COTL1: variants seen among roughly 807,000 people sequenced by gnomAD.
COTL1 encodes coactosin-like protein.
Under a neutral mutation model 16.5 loss-of-function variants are expected in COTL1, and 15 were observed. The observed-to-expected ratio is 0.91, with a 90% CI of 0.61 to 1.40. The LOEUF is 1.40. COTL1 is among the 40% of genes most tolerant of loss of function. The pLI is 0.00. For missense variants in COTL1, 220 were observed against 201.5 expected (o/e 1.09, Z -0.56); for synonymous variants, 112 against 85.3 (o/e 1.31, Z -1.73).
intron 3 of COTL1, among the ~76,000 whole-genome samples, chr16:84,587,438 A>G (rs1283551756): frequency 1.3e-5 from 2 of 152,342 alleles, no homozygotes; most frequent in East Asian, 3.9e-4. Flanking sequence ...AGCTGCATGT[A>G]TTAAAATGTT....
Position 84,617,758 on chromosome 16 carries a change from C to T in COTL1, c.77+80G>A, listed in dbSNP as rs982739701. 1.7e-5 allele frequency: 24 copies of T among 1,453,828 alleles called. No homozygotes were observed. In the African/African-American group the frequency reaches 2.8e-4, roughly 17 times the overall value. 90.1% of individuals were successfully genotyped at this position (1,453,828 alleles called of 1,614,324 possible). On this transcript the variant is annotated intron_variant, in intron 1 of 3. Coordinates refer to ENST00000262428, the MANE Select transcript of COTL1 (RefSeq NM_021149.5). ...ACAGCGCGGGAGGCCCGAATCCGTC[C>T]CGCCTGGAGGCCGGCTCGGTGCACG...
chr16:84,576,672 G>C (rs1053361558), intron 3 of COTL1: 10 of 152,314 alleles, frequency 6.6e-5, no homozygotes, highest in African/African-American at 2.4e-4. Context: ...TTCCCCACCA[G>C]TCATCCAGGG....
intron 3 of COTL1, 138 bp from the exon 4 acceptor site, chr16:84,567,093 C>CAGTCAATGGAAATTCAGCAGCAG (rs1188813569): frequency 3.8e-5 from 23 of 608,276 alleles, no homozygotes; most frequent in Non-Finnish European, 5.3e-5. Context: ...GCAGCAGAGT[C>CAGTCAATGGAAATTCAGCAGCAG]AGTCAATGGA....
Position 84,578,780 on chromosome 16 carries a change from TACAC to T in COTL1, c.318+11321_318+11324del, listed in dbSNP as rs200622387. On this transcript the variant is annotated intron_variant, in intron 3 of 3. Transcript: ENST00000262428. ...ATGCACATACAGGCATGTGCAGACA[TACAC>T]ACACAGACACACAGGGATATGTCCA... Among the ~76,000 whole-genome samples, 477 of 147,920 alleles carry T rather than the reference TACAC, an allele frequency of 3.2e-3. 13 individuals carry two copies. Among genetic ancestry groups the T allele is most frequent in the East Asian group, 0.03 (148 of 4,972 alleles).
At position 84,565,998 on chromosome 16, in the gene COTL1, C is replaced by T. The variant is rs1904296696; in HGVS notation, c.*847G>A. 1 of 152,596 alleles carries T rather than the reference C, an allele frequency of 6.6e-6. No homozygotes were observed. Among genetic ancestry groups the T allele is most frequent in the African/African-American group, 2.4e-5 (1 of 41,468 alleles). The allele number at this position is 152,596 out of a possible 1,614,324, so 9.5% of individuals were successfully genotyped here. On this transcript the variant is annotated 3_prime_UTR_variant, in exon 4 of 4. Transcript: ENST00000262428. ...TTCCCAGTCCCCACCCTGGGCCTCT[C>T]TCCCTAACGATCTTGTCGCTTTGGG...
intron 2 of COTL1, among the ~76,000 whole-genome samples, chr16:84,612,509 G>A (rs573067278): frequency 3.9e-5 from 6 of 152,304 alleles, no homozygotes; most frequent in South Asian, 4.1e-4. Flanking sequence ...GAGGCCGGGC[G>A]CGGTGGCTCA....
chr16:84,602,663 T>C (rs1415901925), intron 2 of COTL1, among the ~76,000 whole-genome samples: 1 of 152,140 alleles, frequency 6.6e-6, no homozygotes, highest in East Asian at 1.9e-4. Context: ...GAGACCAGCC[T>C]GGCCAACCCG....
At chr16:84,583,693 C>T (rs150437165) in intron 3 of COTL1, among the ~76,000 whole-genome samples, 1,621 of 152,274 alleles carry the variant, frequency 0.011, 32 homozygotes, top group African/African-American at 0.037. Context: ...CTCCTGGGCT[C>T]AAGCAATCCT....
intron 3 of COTL1, among the ~76,000 whole-genome samples, chr16:84,581,012 G>A (rs985366652): frequency 6.6e-6 from 1 of 152,092 alleles, no homozygotes; most frequent in Admixed American, 6.6e-5. Flanking sequence ...CATGGTGGCA[G>A]GTGCCTGTGG....
rs1308737393 is a variant in COTL1, at chr16:84,566,858, G to T, written c.416C>A (p.Ala139Asp). 2 of 1,612,538 alleles carry T rather than the reference G, an allele frequency of 1.2e-6. No individual in the cohort carries two copies. The highest frequency in any genetic ancestry group is 3.3e-5 in the Admixed American group (2 of 59,976). Residue 139 changes from alanine (A) to aspartate (D), a missense_variant, in exon 4 of 4, where the codon GCC becomes GAC. Coordinates refer to ENST00000262428, the MANE Select transcript of COTL1 (RefSeq NM_021149.5). ...LKKAGGANYD[A>D]QTE is the part of the protein sequence containing the mutation. ...CGGGGGCTGGGGTTACTCCGTCTGGGCGTCGTAATTGGCTCCCCCCGCCTT... is the reference window on the plus strand; with the variant it reads ...CGGGGGCTGGGGTTACTCCGTCTGGTCGTCGTAATTGGCTCCCCCCGCCTT...
chr16:84,580,757 A>C (rs1447713399), intron 3 of COTL1, among the ~76,000 whole-genome samples: 1 of 152,196 alleles, frequency 6.6e-6, no homozygotes, highest in East Asian at 1.9e-4. Flanking sequence ...TGGATGAATA[A>C]GCCTGGCCCT....
At chr16:84,614,148 T>G (rs74576161) in intron 2 of COTL1, among the ~76,000 whole-genome samples, 4,090 of 152,336 alleles carry the variant, frequency 0.027, 194 homozygotes, top group African/African-American at 0.093. Context: ...CAGTGGATTT[T>G]CTGCTTACAT....
intron 2 of COTL1, among the ~76,000 whole-genome samples, chr16:84,612,305 A>G (rs1339180985): frequency 2.0e-5 from 3 of 152,056 alleles, no homozygotes; most frequent in Non-Finnish European, 4.4e-5. Context: ...CTACTGAGCT[A>G]AGCACCTCTC....
chr16:84,579,000 C>T (rs1173958269), intron 3 of COTL1, among the ~76,000 whole-genome samples: 4 of 151,900 alleles, frequency 2.6e-5, no homozygotes, highest in African/African-American at 9.7e-5. Context: ...CACACATATA[C>T]ACATGCATGC....
chr16:84,582,435 C>A (rs1400588926), intron 3 of COTL1, among the ~76,000 whole-genome samples: 1 of 152,218 alleles, frequency 6.6e-6, no homozygotes, highest in African/African-American at 2.4e-5. Context: ...TAAGCCATGG[C>A]GCCCGGCCTC....
intron 2 of COTL1, among the ~76,000 whole-genome samples, chr16:84,613,486 A>T (rs540331971): frequency 9.2e-5 from 14 of 152,198 alleles, no homozygotes; most frequent in African/African-American, 3.1e-4. Flanking sequence ...TGTGTGAGGG[A>T]GGGTGTGTGG....
At chr16:84,604,889 G>GAATTCTAGCCAGA (rs1385092703) in intron 2 of COTL1, among the ~76,000 whole-genome samples, 1 of 152,246 alleles carries the variant, frequency 6.6e-6, no homozygotes, top group African/African-American at 2.4e-5. Flanking sequence ...AAGCAGCGTA[G>GAATTCTAGCCAGA]AATTCTAGCC....
At chr16:84,605,342 G>C (rs1042015428) in intron 2 of COTL1, among the ~76,000 whole-genome samples, 1 of 152,192 alleles carries the variant, frequency 6.6e-6, no homozygotes, top group Non-Finnish European at 1.5e-5. Context: ...ATAACAACAG[G>C]GCCCGCGATG....
intron 3 of COTL1, 138 bp from the exon 4 acceptor site, chr16:84,567,093 C>T: frequency 3.3e-6 from 2 of 608,378 alleles, no homozygotes; most frequent in Non-Finnish European, 5.9e-6. Context: ...GCAGCAGAGT[C>T]AGTCAATGGA....
Sources: gnomAD v4.1 joint callset for allele counts (sites outside exome capture counted in the v4.1 genomes callset) on GRCh38, gnomAD v4.1.1 for gene constraint, MANE v1.5 for transcripts, NCBI Gene and HGNC (gene_info 2026-07-23, HGNC 2026-07-21) for gene names.